Variants in RBFOX1 observed in about 807,000 individuals in gnomAD.
The protein encoded by RBFOX1 is RNA binding protein fox-1 homolog 1.
Under a neutral mutation model 57.7 loss-of-function variants are expected in RBFOX1, and 8 were observed. The observed-to-expected ratio is 0.14, with a 90% CI of 0.08 to 0.25. The LOEUF is 0.25. Ranked by LOEUF, RBFOX1 falls within the 10% of genes least tolerant of loss-of-function variation. The pLI, the probability that RBFOX1 is intolerant of heterozygous loss-of-function variation, is 1.00. For synonymous variants in RBFOX1, 326 were observed against 222.4 expected (o/e 1.47, Z -4.15); for missense variants, 611 against 548.5 (o/e 1.11, Z -1.14).
intron 1 of RBFOX1, among the ~76,000 whole-genome samples, chr16:6,203,840 C>T (rs1014395766): frequency 1.3e-5 from 2 of 152,284 alleles, no homozygotes; most frequent in South Asian, 2.1e-4. Flanking sequence ...GCAGCAGTCT[C>T]ACTTCTGGGT....
intron 1 of RBFOX1, among the ~76,000 whole-genome samples, chr16:5,328,936 G>A (rs1382342321): frequency 6.6e-6 from 1 of 152,178 alleles, no homozygotes; most frequent in African/African-American, 2.4e-5. Context: ...CCTACCCTTA[G>A]TTTCCAGGAG....
intron 3 of RBFOX1, among the ~76,000 whole-genome samples, chr16:6,778,181 C>T (rs1025060640): frequency 6.6e-6 from 1 of 152,030 alleles, no homozygotes; most frequent in Non-Finnish European, 1.5e-5. Flanking sequence ...ATCACACAAT[C>T]GATTAAAACA....
intron 3 of RBFOX1, among the ~76,000 whole-genome samples, chr16:6,883,548 C>A (rs563494899): frequency 1.8e-4 from 28 of 152,318 alleles, no homozygotes; most frequent in African/African-American, 5.3e-4. Context: ...CGGCACACTG[C>A]CATATGTAAC....
intron 4 of RBFOX1, among the ~76,000 whole-genome samples, chr16:7,054,010 C>G (rs922182678): frequency 6.6e-6 from 1 of 151,944 alleles, no homozygotes; most frequent in African/African-American, 2.4e-5. Context: ...CTAGTTCCCT[C>G]TGGGAGACCC....
chr16:6,046,641 G>T (rs1175902848), intron 1 of RBFOX1, among the ~76,000 whole-genome samples: 2 of 152,314 alleles, frequency 1.3e-5, no homozygotes, highest in Admixed American at 6.5e-5. Context: ...TTGGCCCAAG[G>T]TTAGGGAGGC....
chr16:7,322,886 C>A (rs1568206441), intron 4 of RBFOX1, among the ~76,000 whole-genome samples: 2 of 152,132 alleles, frequency 1.3e-5, no homozygotes, highest in African/African-American at 4.8e-5. Flanking sequence ...TCCTGGTGTT[C>A]CCTGGTGATT....
At chr16:7,244,589 G>A (rs566447898) in intron 4 of RBFOX1, among the ~76,000 whole-genome samples, 1 of 152,168 alleles carries the variant, frequency 6.6e-6, no homozygotes, top group Non-Finnish European at 1.5e-5. Context: ...CTTTAATTAG[G>A]ACACAATGGG....
chr16:5,496,092 C>G (rs1045501082), intron 2 of RBFOX1, among the ~76,000 whole-genome samples: 4 of 152,130 alleles, frequency 2.6e-5, no homozygotes, highest in African/African-American at 9.7e-5. Context: ...CACCACCACA[C>G]TCCAGCCTGG....
In RBFOX1 at chr16:5,578,842, C is replaced by CA. The variant is rs386364727; in HGVS notation, c.259-20060_259-20059insA. Among the ~76,000 whole-genome samples, 619 of 72,312 alleles carry CA rather than the reference C, an allele frequency of 8.6e-3. 1 individual carries two copies. The highest frequency in any genetic ancestry group is 0.014 in the Non-Finnish European group (516 of 36,242). The allele number at this position is 72,312 out of a possible 152,430, so 47.4% of individuals were successfully genotyped here. ...TGAAACCTCCACACACACACACACA[C>CA]CCTTTTTTTTTTTTTTTTTTTTTTT... On this transcript the variant is annotated intron_variant, in intron 2 of 2. Coordinates refer to the RBFOX1 transcript ENST00000585867.
chr16:6,996,758 A>G (rs1335627892), intron 3 of RBFOX1, among the ~76,000 whole-genome samples: 2 of 152,138 alleles, frequency 1.3e-5, no homozygotes, highest in Non-Finnish European at 2.9e-5. Context: ...ACTTTTCTAC[A>G]TGTCAGATAG....
intron 3 of RBFOX1, among the ~76,000 whole-genome samples, chr16:6,955,217 C>A (rs116821306): frequency 6.6e-6 from 1 of 151,626 alleles, no homozygotes; most frequent in Non-Finnish European, 1.5e-5. Flanking sequence ...CTCCAGCCTG[C>A]GCAACAGAGT....
At chr16:5,491,521 T>C (rs918468768) in intron 2 of RBFOX1, among the ~76,000 whole-genome samples, 1 of 152,222 alleles carries the variant, frequency 6.6e-6, no homozygotes, top group Non-Finnish European at 1.5e-5. Flanking sequence ...AACAGGAGAA[T>C]GGGTAAATAT....
chr16:6,504,604 T>C (rs897161860), intron 2 of RBFOX1, among the ~76,000 whole-genome samples: 2 of 152,160 alleles, frequency 1.3e-5, no homozygotes, highest in African/African-American at 4.8e-5. Flanking sequence ...TGACACCTCA[T>C]GTTGGTAGAT....
chr16:5,774,762 A>G (rs977213286), intron 3 of RBFOX1, among the ~76,000 whole-genome samples: 1 of 152,144 alleles, frequency 6.6e-6, no homozygotes, highest in African/African-American at 2.4e-5. Context: ...GGCTCACGGC[A>G]ACTTCCACCT....
intron 3 of RBFOX1, among the ~76,000 whole-genome samples, chr16:6,686,355 T>G (rs1449781463): frequency 6.6e-6 from 1 of 152,226 alleles, no homozygotes; most frequent in South Asian, 2.1e-4. Context: ...CTTTGCTTTA[T>G]TGATGCTTCA....
At chr16:6,652,661 AT>A (rs1478293903) in intron 2 of RBFOX1, among the ~76,000 whole-genome samples, 1 of 152,074 alleles carries the variant, frequency 6.6e-6, no homozygotes, top group African/African-American at 2.4e-5. Context: ...AGTCTGTAAT[AT>A]TTTTTATGGC....
intron 5 of RBFOX1, among the ~76,000 whole-genome samples, chr16:7,570,466 A>G (rs1567884691): frequency 6.6e-6 from 1 of 152,158 alleles, no homozygotes; most frequent in Non-Finnish European, 1.5e-5. Flanking sequence ...CATTTTACTC[A>G]ACCGAAACTG....
At chr16:7,576,104 T>C (rs929951429) in intron 5 of RBFOX1, among the ~76,000 whole-genome samples, 2 of 151,744 alleles carry the variant, frequency 1.3e-5, no homozygotes, top group Non-Finnish European at 2.9e-5. Context: ...CTATTTTTTT[T>C]TTTTTTAATT....
At chr16:7,676,662 A>T in intron 13 of RBFOX1, 112 bp from the exon 14 acceptor site, 1 of 923,542 alleles carries the variant, frequency 1.1e-6, no homozygotes, top group Non-Finnish European at 1.8e-6. Flanking sequence ...CATTAACCTC[A>T]ACTTTAGCTC....
Sources: allele counts gnomAD v4.1 joint callset (sites outside exome capture counted in the v4.1 genomes callset), GRCh38; gene constraint gnomAD v4.1.1; transcripts MANE v1.5; gene names NCBI Gene and HGNC (gene_info 2026-07-23, HGNC 2026-07-21).